The following PPP4R3B variants were observed in gnomAD, a reference collection of about 807,000 sequenced individuals.
PPP4R3B encodes protein phosphatase 4 regulatory subunit 3B, also known as serine/threonine-protein phosphatase 4 regulatory subunit 3B.
PPP4R3B carries 52 observed loss-of-function variants against 95.4 expected under a neutral mutation model. That is an observed-to-expected ratio of 0.54 (90% confidence interval 0.44 to 0.69). PPP4R3B has a LOEUF of 0.69. PPP4R3B is among the 30% of genes least tolerant of loss of function. The pLI, the probability that PPP4R3B is intolerant of heterozygous loss-of-function variation, is 0.00. For missense variants in PPP4R3B, 1,003 were observed against 1,005.9 expected, an observed-to-expected ratio of 1.00 and a Z score of 0.04; for synonymous variants, 407 against 343.9, an observed-to-expected ratio of 1.18 and a Z score of -2.03.
intron 4 of PPP4R3B, among the ~76,000 whole-genome samples, chr2:55,597,804 A>AAAAT (rs934481624): frequency 7.9e-5 from 12 of 152,178 alleles, no homozygotes; most frequent in Non-Finnish European, 7.4e-5. Flanking sequence ...TCCATCTCAA[A>AAAAT]AAATAAATAA....
rs552067719 is a variant in PPP4R3B at position 55,591,415 on chromosome 2, C to T, written c.922-2459G>A. 36 of 567,468 alleles carry T rather than the reference C, an allele frequency of 6.3e-5. No homozygotes were observed. The African/African-American group carries it at 6.9e-4, about 11-fold the overall frequency. 35.2% of individuals were successfully genotyped at this position (567,468 alleles called of 1,614,324 possible). A position where few individuals can be genotyped will look rare whatever the true frequency, so the allele number is the denominator to read the frequency against. ...ACCTCAGCCTCCCAAAGTGCTAGGA[C>T]TACAGGCATGAGCCACCATGCCCAG... On this transcript the variant is annotated intron_variant, in intron 4 of 16. Transcript: ENST00000616407.
At chr2:55,616,689 G>A (rs749499499) in intron 1 of PPP4R3B, 1 of 152,494 alleles carries the variant, frequency 6.6e-6, no homozygotes, top group Non-Finnish European at 1.5e-5. Flanking sequence ...GTTTTCCCCA[G>A]CACCTGTCGA....
At chr2:55,590,179 T>C (rs1303802261) in intron 4 of PPP4R3B, among the ~76,000 whole-genome samples, 1 of 150,278 alleles carries the variant, frequency 6.7e-6, no homozygotes, top group African/African-American at 2.5e-5. Flanking sequence ...AATACAAAAC[T>C]AGCCAGGCAT....
Position 55,585,172 on chromosome 2 carries a change from TA to T in PPP4R3B, c.1117-6del. 1 of 1,585,026 alleles carries T rather than the reference TA, an allele frequency of 6.3e-7. No homozygotes were observed. ...GACTTGCAAATCATCCATGCCCTGA[TA>T]AAAGGAAAATTAGGTTACTTAGAGA... On this transcript the variant is annotated splice_region_variant and splice_polypyrimidine_tract_variant and intron_variant, in intron 6 of 16. Coordinates refer to ENST00000616407, the MANE Select transcript of PPP4R3B (RefSeq NM_001122964.3).
At chr2:55,564,289 T>C (rs370443835) in intron 15 of PPP4R3B, 24 bp downstream of exon 15, 1 of 1,599,818 alleles carries the variant, frequency 6.3e-7, no homozygotes, top group African/African-American at 1.3e-5. Flanking sequence ...GGGTACACTG[T>C]GCAAAAATTC....
intron 11 of PPP4R3B, among the ~76,000 whole-genome samples, chr2:55,575,242 T>C (rs955281412): frequency 6.6e-6 from 1 of 151,298 alleles, no homozygotes; most frequent in Admixed American, 6.6e-5. Context: ...GCCCGGCCTA[T>C]TTACAACTTT....
intron 16 of PPP4R3B, among the ~76,000 whole-genome samples, chr2:55,553,144 A>G (rs898052089): frequency 6.6e-6 from 1 of 152,244 alleles, no homozygotes; most frequent in African/African-American, 2.4e-5. Flanking sequence ...AACTTTACAG[A>G]GCAAAGGACC....
At chr2:55,562,656 G>A (rs369416680) in intron 15 of PPP4R3B, among the ~76,000 whole-genome samples, 43 of 152,192 alleles carry the variant, frequency 2.8e-4, no homozygotes, top group African/African-American at 9.9e-4. Flanking sequence ...AGTATAAAAC[G>A]AACTAATACA....
chr2:55,552,935 A>C (rs1407613344), intron 16 of PPP4R3B, among the ~76,000 whole-genome samples: 3 of 152,166 alleles, frequency 2.0e-5, no homozygotes, highest in African/African-American at 7.2e-5. Context: ...AAAACCCCAG[A>C]AAGAAGCTAG....
chr2:55,615,829 G>A (rs892729466), intron 1 of PPP4R3B, among the ~76,000 whole-genome samples: 14 of 113,796 alleles, frequency 1.2e-4, no homozygotes, highest in Admixed American at 9.0e-4. Flanking sequence ...TTGAACTCCA[G>A]CCTGGCAACA....
chr2:55,557,082 A>G (rs1184220952), intron 16 of PPP4R3B, among the ~76,000 whole-genome samples: 2 of 152,128 alleles, frequency 1.3e-5, no homozygotes, highest in Non-Finnish European at 2.9e-5. Flanking sequence ...GACGACGACG[A>G]CGAAGCAGGA....
chr2:55,616,831 A>T (rs1695012948), intron 1 of PPP4R3B, among the ~76,000 whole-genome samples: 1 of 152,064 alleles, frequency 6.6e-6, no homozygotes, highest in Admixed American at 6.6e-5. Flanking sequence ...GTCAGCTCCT[A>T]GGGCGACATC....
Position 55,578,289 on chromosome 2 carries a change from G to A in PPP4R3B, c.1522C>T (p.His508Tyr). The change falls in exon 10 of 17, where the codon CAT becomes TAT. Residue 508 changes from histidine (H) to tyrosine (Y), a missense_variant. Coordinates refer to ENST00000616407, the MANE Select transcript of PPP4R3B (RefSeq NM_001122964.3). ...YSWSFICTPS[H>Y]SHSHSTPSSS... is the part of the protein sequence containing the mutation. ...GAGGGGGTAGAATGGGAATGGGAAT[G>A]TGAAGGGGTACATATGAAACTCCAA... The A allele has an allele frequency of 6.7e-7, 1 of 1,482,656 alleles. No individual in the cohort carries two copies. The allele number at this position is 1,482,656 out of a possible 1,614,324, so 91.8% of individuals were successfully genotyped here. A position where few individuals can be genotyped will look rare whatever the true frequency, so the allele number is the denominator to read the frequency against.
intron 15 of PPP4R3B, among the ~76,000 whole-genome samples, chr2:55,561,672 G>T (rs1337052392): frequency 2.0e-5 from 3 of 152,262 alleles, no homozygotes; most frequent in Non-Finnish European, 4.4e-5. Context: ...GGAGCTTTAA[G>T]ATTTAAAGAC....
intron 3 of PPP4R3B, among the ~76,000 whole-genome samples, chr2:55,599,871 T>C (rs149969911): frequency 1.3e-5 from 2 of 152,332 alleles, no homozygotes; most frequent in East Asian, 1.9e-4. Context: ...TCCTCTAACA[T>C]TTCTCCATCT....
At chr2:55,585,616 T>C (rs895842705) in intron 6 of PPP4R3B, among the ~76,000 whole-genome samples, 1 of 152,196 alleles carries the variant, frequency 6.6e-6, no homozygotes, top group African/African-American at 2.4e-5. Context: ...ACTCACCTAA[T>C]AGAGCATGCT....
intron 13 of PPP4R3B, among the ~76,000 whole-genome samples, chr2:55,566,763 T>C (rs553976242): frequency 1.4e-4 from 22 of 152,252 alleles, no homozygotes; most frequent in African/African-American, 4.8e-4. Flanking sequence ...ATCCAACACT[T>C]TGGGAGGCTG....
At chr2:55,591,192 A>G (rs1690968311) in intron 4 of PPP4R3B, among the ~76,000 whole-genome samples, 1 of 150,334 alleles carries the variant, frequency 6.7e-6, no homozygotes, top group Non-Finnish European at 1.5e-5. Flanking sequence ...GCTGGAGTGC[A>G]GTGGTACAAA....
At chr2:55,600,426 C>CAAAAAAAAAAAAAAAAAAA (rs60764774) in intron 3 of PPP4R3B, among the ~76,000 whole-genome samples, 1 of 22,170 alleles carries the variant, frequency 4.5e-5, no homozygotes, top group African/African-American at 1.6e-4. Flanking sequence ...AACTCTGTCT[C>CAAAAAAAAAAAAAAAAAAA]AAAAAAAAAA....
Sources: allele counts gnomAD v4.1 joint callset (sites outside exome capture counted in the v4.1 genomes callset), GRCh38; gene constraint gnomAD v4.1.1; transcripts MANE v1.5; gene names NCBI Gene and HGNC (gene_info 2026-07-23, HGNC 2026-07-21).